Variants in EP400 observed in about 807,000 individuals in gnomAD.
The protein encoded by EP400 is E1A binding protein p400.
A neutral mutation model predicts 354.1 loss-of-function variants in EP400; 105 were observed. That is an observed-to-expected ratio of 0.30 (90% CI 0.25 to 0.35). The LOEUF (loss-of-function observed/expected upper bound fraction) is 0.35. EP400 is among the 10% of genes least tolerant of loss of function. The pLI is 1.00. For missense variants in EP400, 3,280 were observed against 4,121.0 expected (o/e 0.80, Z 5.59); for synonymous variants, 1,646 against 1,716.9 (o/e 0.96, Z 1.02).
chr12:132,006,114 G>A lies in EP400; in HGVS notation c.2938G>A (p.Ala980Thr), dbSNP rs1467855864. The change falls in exon 14 of 53, where the codon GCA becomes ACA. Residue 980 changes from alanine (A) to threonine (T), a missense_variant and splice_region_variant. Ala to Thr is a moderately conservative substitution (Grantham distance 58, BLOSUM62 0). Transcript: ENST00000389561. ...TCTCTGTTTTATTGTCGTTACAGAT[G>A]CAGATGACTGTCCAGGCGACAGGGA... ...DGEDTSGEED[A>T]DDCPGDRESR... 2.5e-6 allele frequency: 4 copies of A among 1,613,084 alleles called. No individual in the cohort carries two copies. The highest frequency in any genetic ancestry group is 3.3e-5 in the Admixed American group (2 of 59,952).
chr12:131,986,867 A>G, intron 6 of EP400, 60 bp downstream of exon 6: 1 of 1,527,226 alleles, frequency 6.5e-7, no homozygotes, highest in Non-Finnish European at 8.8e-7. Flanking sequence ...ATTTAGTTTT[A>G]ATTGTCAAGA....
chr12:131,981,376 A>C (rs1327049757), intron 3 of EP400, 113 bp from the exon 4 acceptor site: 3 of 739,010 alleles, frequency 4.1e-6, no homozygotes, highest in Admixed American at 2.8e-5. Flanking sequence ...ATTTTAGTTC[A>C]TGTATAGAAA....
chr12:131,999,278 C>A (rs545221187), intron 12 of EP400, among the ~76,000 whole-genome samples: 1 of 152,042 alleles, frequency 6.6e-6, no homozygotes, highest in Non-Finnish European at 1.5e-5. Context: ...CTTGGCCTGA[C>A]GTGTCCTACG....
chr12:132,007,043 A>G (rs1368832725), intron 15 of EP400, among the ~76,000 whole-genome samples, 166 bp downstream of exon 15: 1 of 152,340 alleles, frequency 6.6e-6, no homozygotes, highest in Middle Eastern at 3.4e-3. Context: ...ATGAATGAAT[A>G]AAAAACTGGT....
chr12:132,021,436 C>T, intron 23 of EP400, 115 bp downstream of exon 23: 1 of 1,370,940 alleles, frequency 7.3e-7, no homozygotes. Context: ...TTTCCCCAGC[C>T]CCATGCCCGG....
Position 131,977,229 on chromosome 12 carries a change from C to T in EP400, c.1336-2465C>T, listed in dbSNP as rs368220779. ...TCGGCTCACTGCAAGCTCTGCCTCC[C>T]GGGTTCACGCCATTTTCCTGCTTCA... is the stretch of plus-strand genomic sequence containing the variant. On this transcript the variant is annotated intron_variant, in intron 2 of 52. Transcript: ENST00000389561. Among the ~76,000 whole-genome samples, 339 of 152,200 alleles carry T rather than the reference C, an allele frequency of 2.2e-3. 3 individuals are homozygous for T. Among genetic ancestry groups the T allele is most frequent in the African/African-American group, 7.8e-3 (322 of 41,532 alleles).
In EP400 at chr12:132,062,578, GCAGCAGCAGCAGCAA is replaced by G. The variant is rs760372352; in HGVS notation, c.8230_8244del (p.Gln2744_Gln2748del). The stretch of plus-strand genomic sequence containing the variant: ...AGCAGCAGCAGCAGCAGCAGCAGCA[GCAGCAGCAGCAGCAA>G]CAGCAGCAGCAGCAACAGACGACGA... On this transcript the variant is annotated inframe_deletion, in exon 47 of 53. Coordinates refer to ENST00000389561, the MANE Select transcript of EP400 (RefSeq NM_015409.5). The G allele has an allele frequency of 3.2e-5, 51 of 1,609,468 alleles. No homozygotes were observed. The highest frequency in any genetic ancestry group is 5.4e-5 in the African/African-American group (4 of 74,410).
At chr12:131,984,493 T>G (rs1442466185) in intron 5 of EP400, among the ~76,000 whole-genome samples, 1 of 152,148 alleles carries the variant, frequency 6.6e-6, no homozygotes, top group East Asian at 1.9e-4. Context: ...ACACCCACTT[T>G]GAGAAAGGCG....
At chr12:131,966,562 CAAAAAAAAAAAA>C (rs534384776) in intron 2 of EP400, among the ~76,000 whole-genome samples, 6 of 57,496 alleles carry the variant, frequency 1.0e-4, no homozygotes, top group African/African-American at 1.7e-4. Context: ...TACCCTACCT[CAAAAAAAAAAAA>C]AAAAAAAAAA....
At chr12:132,009,103 T>C (rs1235146363) in intron 15 of EP400, among the ~76,000 whole-genome samples, 1 of 150,108 alleles carries the variant, frequency 6.7e-6, no homozygotes, top group Non-Finnish European at 1.5e-5. Context: ...TGGCTAAGTT[T>C]TATATTTTTG....
chr12:132,014,894 GTGAGGCCA>G (rs1211549955), intron 19 of EP400, among the ~76,000 whole-genome samples: 1 of 152,184 alleles, frequency 6.6e-6, no homozygotes, highest in Non-Finnish European at 1.5e-5. Flanking sequence ...GAGACTAGGG[GTGAGGCCA>G]TGCTAGCCAC....
intron 15 of EP400, 113 bp downstream of exon 15, chr12:132,006,990 A>G (rs1323006168): frequency 3.5e-5 from 43 of 1,218,726 alleles, no homozygotes; most frequent in South Asian, 3.5e-4. Context: ...CTTTGCTCCT[A>G]TCTGTTGACC....
chr12:132,062,356 C>G, intron 46 of EP400, 33 bp downstream of exon 46: 1 of 1,613,430 alleles, frequency 6.2e-7, no homozygotes, highest in Non-Finnish European at 8.5e-7. Context: ...CTCTGCCACA[C>G]GTCTGCTCTG....
intron 5 of EP400, among the ~76,000 whole-genome samples, chr12:131,984,882 G>A (rs1312372862): frequency 6.6e-6 from 1 of 151,262 alleles, no homozygotes; most frequent in Non-Finnish European, 1.5e-5. Flanking sequence ...TTTTTTTCCA[G>A]CAGAGAAATG....
chr12:132,005,386 C>T (rs1284107119), intron 13 of EP400, among the ~76,000 whole-genome samples: 1 of 152,086 alleles, frequency 6.6e-6, no homozygotes, highest in African/African-American at 2.4e-5. Flanking sequence ...TATCGGGGCA[C>T]TTGATCATGT....
chr12:131,967,032 C>T (rs1732968330), intron 2 of EP400, among the ~76,000 whole-genome samples: 1 of 151,864 alleles, frequency 6.6e-6, no homozygotes, highest in Non-Finnish European at 1.5e-5. Flanking sequence ...CGTGGACATG[C>T]CAGTGCACTC....
At chr12:131,952,833 G>A (rs746968979) in intron 1 of EP400, among the ~76,000 whole-genome samples, 3 of 152,122 alleles carry the variant, frequency 2.0e-5, no homozygotes, top group Non-Finnish European at 4.4e-5. Flanking sequence ...CATTTGGATT[G>A]TTTCCAGTTC....
rs1209271151 is a variant in EP400, at chr12:132,038,999, T to C, written c.6207+903T>C. Among the ~76,000 whole-genome samples the C allele has an allele frequency of 1.3e-5, 2 of 152,176 alleles. No individual in the cohort carries two copies. Among genetic ancestry groups the C allele is most frequent in the East Asian group, 3.9e-4 (2 of 5,190 alleles). ...CATGGGCTTCTCTGTATGTTTTTTC[T>C]TTTCTGTGAAAGTGTTAAAGACCAG... On this transcript the variant is annotated intron_variant, in intron 32 of 52. Coordinates refer to ENST00000389561, the MANE Select transcript of EP400 (RefSeq NM_015409.5). The surrounding 1 kb of genome is among the most constrained non-coding windows in gnomAD (Gnocchi z 4.2).
In EP400 at chr12:132,029,333, A is replaced by G; in HGVS notation, c.5382-368A>G. On this transcript the variant is annotated intron_variant, in intron 27 of 52. Transcript: ENST00000389561. The surrounding 1 kb of genome is among the most constrained non-coding windows in gnomAD (Gnocchi z 4.7). ...CCCGTCCTGGTGGCACAGTGGCTATAGCAGTTCTAGGGTCCACGAGACAGT... is the reference window on the plus strand; with the variant it reads ...CCCGTCCTGGTGGCACAGTGGCTATGGCAGTTCTAGGGTCCACGAGACAGT... The G allele has an allele frequency of 3.9e-6, 1 of 257,070 alleles. No homozygotes were observed. Among genetic ancestry groups the G allele is most frequent in the South Asian group, 8.2e-5 (1 of 12,162 alleles). 15.9% of individuals were successfully genotyped at this position (257,070 alleles called of 1,614,324 possible).
Sources: allele counts gnomAD v4.1 joint callset (sites outside exome capture counted in the v4.1 genomes callset), GRCh38; gene constraint gnomAD v4.1.1; non-coding constraint Gnocchi (gnomAD v3.1); transcripts MANE v1.5; gene names NCBI Gene and HGNC (gene_info 2026-07-23, HGNC 2026-07-21).